IL1RAPL1: variants seen among roughly 807,000 people sequenced by gnomAD.
IL1RAPL1 encodes the protein interleukin 1 receptor accessory protein like 1.
A neutral mutation model predicts 48.4 loss-of-function variants in IL1RAPL1; 3 were observed. The observed-to-expected ratio is 0.06, with a 90% CI of 0.03 to 0.16. IL1RAPL1 has a LOEUF of 0.16. Among genes scored for constraint, IL1RAPL1 ranks in the 10% least tolerant of loss-of-function variants. The pLI, the probability that IL1RAPL1 is intolerant of heterozygous loss-of-function variation, is 1.00. For synonymous variants in IL1RAPL1, 185 were observed against 187.7 expected, an observed-to-expected ratio of 0.99 and a Z score of 0.12; for missense variants, 349 against 530.6, an observed-to-expected ratio of 0.66 and a Z score of 3.36.
At chrX:28,683,579 T>C in intron 1 of IL1RAPL1, among the ~76,000 whole-genome samples, 1 of 111,677 alleles carries the variant, frequency 9.0e-6, no homozygotes, top group East Asian at 2.8e-4. Context: ...GTGGCTTGTG[T>C]TACTAGTTTC....
intron 1 of IL1RAPL1, among the ~76,000 whole-genome samples, chrX:28,652,085 T>C (rs956804162): frequency 9.0e-6 from 1 of 111,532 alleles, no homozygotes; most frequent in Admixed American, 9.6e-5. Context: ...TTAAAATGGT[T>C]TATTAATAGG....
intron 6 of IL1RAPL1, among the ~76,000 whole-genome samples, chrX:29,856,942 G>C (rs1931488974): frequency 9.0e-6 from 1 of 111,155 alleles, no homozygotes; most frequent in South Asian, 3.8e-4. Context: ...TGCTTGCCTA[G>C]CCCAATAAGG....
chrX:28,872,602 T>A (rs754810613), intron 2 of IL1RAPL1, among the ~76,000 whole-genome samples: 6 of 112,527 alleles, frequency 5.3e-5, no homozygotes, highest in African/African-American at 1.9e-4. Flanking sequence ...ATTTTTTTTT[T>A]ATTTTAACAG....
At chrX:29,422,796 T>C (rs779117599) in intron 5 of IL1RAPL1, among the ~76,000 whole-genome samples, 79 of 111,501 alleles carry the variant, frequency 7.1e-4, no homozygotes, top group Non-Finnish European at 1.2e-3. Context: ...TTAAAACAAC[T>C]ACAAGATGAA....
intron 1 of IL1RAPL1, among the ~76,000 whole-genome samples, chrX:28,745,827 A>G (rs1373372174): frequency 2.7e-5 from 3 of 112,210 alleles, no homozygotes; most frequent in Non-Finnish European, 5.6e-5. Flanking sequence ...CATACTGATT[A>G]CACAAAACTA....
At chrX:29,560,027 T>G (rs1233713190) in intron 5 of IL1RAPL1, among the ~76,000 whole-genome samples, 1 of 111,889 alleles carries the variant, frequency 8.9e-6, no homozygotes, top group Admixed American at 9.5e-5. Context: ...TACTAACAAG[T>G]GTCCTTTTAT....
At chrX:29,610,911 C>T (rs1924071521) in intron 5 of IL1RAPL1, among the ~76,000 whole-genome samples, 2 of 111,976 alleles carry the variant, frequency 1.8e-5, no homozygotes. Flanking sequence ...TTTATCTTGC[C>T]CAAATTCCTA....
intron 5 of IL1RAPL1, among the ~76,000 whole-genome samples, chrX:29,624,209 G>T (rs971679360): frequency 6.3e-5 from 7 of 111,615 alleles, no homozygotes; most frequent in Non-Finnish European, 1.3e-4. Context: ...GGCAGTTATT[G>T]TCTGAACATC....
intron 2 of IL1RAPL1, among the ~76,000 whole-genome samples, chrX:28,796,223 G>T (rs772519331): frequency 9.0e-6 from 1 of 111,510 alleles, no homozygotes; most frequent in African/African-American, 3.3e-5. Context: ...TGAGAGTTGG[G>T]TGGGGACACA....
At chrX:28,930,669 TCTCA>T (rs1316900841) in intron 2 of IL1RAPL1, among the ~76,000 whole-genome samples, 1 of 111,799 alleles carries the variant, frequency 8.9e-6, no homozygotes, top group Non-Finnish European at 1.9e-5. Flanking sequence ...TGAGACGGAG[TCTCA>T]CTCTGTTACC....
chrX:29,384,627 T>G (rs970756194), intron 3 of IL1RAPL1, among the ~76,000 whole-genome samples: 4 of 112,656 alleles, frequency 3.6e-5, no homozygotes, highest in African/African-American at 1.3e-4. Context: ...TGAAATATTA[T>G]CTATCTTAAC....
At chrX:29,518,198 A>G (rs1027313069) in intron 5 of IL1RAPL1, among the ~76,000 whole-genome samples, 2 of 111,886 alleles carry the variant, frequency 1.8e-5, no homozygotes, top group African/African-American at 6.5e-5. Context: ...AATAAATATG[A>G]CAGATTACTG....
chrX:28,619,503 A>T (rs1934257833), intron 1 of IL1RAPL1, among the ~76,000 whole-genome samples: 1 of 104,424 alleles, frequency 9.6e-6, no homozygotes, highest in Admixed American at 1.1e-4. Context: ...GCTACTTGGG[A>T]GGTTGAGATG....
chrX:29,584,869 T>G (rs758619956), intron 5 of IL1RAPL1, among the ~76,000 whole-genome samples: 206 of 112,173 alleles, frequency 1.8e-3, no homozygotes, highest in Non-Finnish European at 3.5e-3. Context: ...TACTTAAAAT[T>G]TCAAGAACAC....
At chrX:29,115,925 T>G (rs1301865407) in intron 2 of IL1RAPL1, among the ~76,000 whole-genome samples, 3 of 111,080 alleles carry the variant, frequency 2.7e-5, no homozygotes, top group Non-Finnish European at 3.8e-5. Context: ...TCTATTATTT[T>G]AGGTGTTACT....
chrX:29,218,114 T>C (rs759634014), intron 2 of IL1RAPL1, among the ~76,000 whole-genome samples: 3 of 111,885 alleles, frequency 2.7e-5, no homozygotes, highest in South Asian at 3.7e-4. Context: ...CATGACAATG[T>C]AGAATAAATA....
chrX:29,276,254 A>G (rs993525647), intron 2 of IL1RAPL1, among the ~76,000 whole-genome samples: 2 of 112,252 alleles, frequency 1.8e-5, no homozygotes, highest in Non-Finnish European at 3.8e-5. Context: ...GTCTGAACAT[A>G]TTCCTATCAG....
intron 1 of IL1RAPL1, among the ~76,000 whole-genome samples, chrX:28,780,630 G>A (rs1936413265): frequency 9.1e-6 from 1 of 110,070 alleles, no homozygotes; most frequent in South Asian, 3.8e-4. Flanking sequence ...CTTTTCTAAT[G>A]AAATTTTAAA....
chrX:29,619,595 G>A (rs1924396191), intron 5 of IL1RAPL1, among the ~76,000 whole-genome samples: 1 of 111,594 alleles, frequency 9.0e-6, no homozygotes, highest in African/African-American at 3.3e-5. Context: ...TACTACAAAA[G>A]CACTTTAAAA....
Sources: gnomAD v4.1 joint callset for allele counts (sites outside exome capture counted in the v4.1 genomes callset) on GRCh38, gnomAD v4.1.1 for gene constraint, MANE v1.5 for transcripts, NCBI Gene and HGNC (gene_info 2026-07-23, HGNC 2026-07-21) for gene names.